PRR23B: variants seen among roughly 807,000 people sequenced by gnomAD.
The protein encoded by PRR23B is proline rich 23B.
For missense variants in PRR23B, 375 were observed against 371.7 expected (o/e 1.01, Z -0.07); for synonymous variants, 157 against 168.0 (o/e 0.93, Z 0.51).
chr3:139,019,581 A>C lies in PRR23B; in HGVS notation c.*283T>G. On this transcript the variant is annotated 3_prime_UTR_variant, in exon 1 of 1. Transcript: ENST00000329447. ...AACAACTGATGCAAAACGAGGGAGAATGAAGGGATCTGAATATGACCTTGT... is the reference window on the plus strand; with the variant it reads ...AACAACTGATGCAAAACGAGGGAGACTGAAGGGATCTGAATATGACCTTGT... 3.3e-6 allele frequency: 1 copy of C among 306,184 alleles called. No homozygotes were observed. Among genetic ancestry groups the C allele is most frequent in the Non-Finnish European group, 6.0e-6 (1 of 166,590 alleles). 19.0% of individuals were successfully genotyped at this position (306,184 alleles called of 1,614,324 possible).
In PRR23B at chr3:139,020,915, C is replaced by T; in HGVS notation, c.-254G>A. On this transcript the variant is annotated 5_prime_UTR_variant, in exon 1 of 1. Transcript: ENST00000329447. ...TTAGCTCGTTGGACCCTTGGGCCTT[C>T]CTGATGCAGACCCGGATGCGCACTG... 1.9e-6 allele frequency: 1 copy of T among 513,284 alleles called. No individual in the cohort carries two copies. The highest frequency in any genetic ancestry group is 3.5e-6 in the Non-Finnish European group (1 of 288,642). The allele number at this position is 513,284 out of a possible 1,614,324, so 31.8% of individuals were successfully genotyped here. A position where few individuals can be genotyped will look rare whatever the true frequency, so the allele number is the denominator to read the frequency against.
At position 139,019,974 on chromosome 3, in the gene PRR23B, G is replaced by C; in HGVS notation, c.688C>G (p.Leu230Val). The C allele has an allele frequency of 6.2e-7, 1 of 1,614,192 alleles. No homozygotes were observed. Among genetic ancestry groups the C allele is most frequent in the Non-Finnish European group, 8.5e-7 (1 of 1,180,020 alleles). Residue 230 changes from leucine to valine, a missense_variant, in exon 1 of 1, where the codon CTC (leucine) becomes GTC (valine). Leu to Val is a conservative substitution (Grantham distance 32). Coordinates refer to ENST00000329447, the MANE Select transcript of PRR23B (RefSeq NM_001013650.2). The stretch of plus-strand genomic sequence containing the variant: ...CACGGAGAGGGAGGTAGAGGTTGGA[G>C]AGGTGAGCTGGGGACAGGCTCCAGA... ...RLLEPVPSSP[L>V]QPLPPSPCVG... is the part of the protein sequence containing the mutation.
In PRR23B at chr3:139,019,233, T is replaced by A. The variant is rs1209683385; in HGVS notation, c.*631A>T. 1.3e-5 allele frequency: 2 copies of A among 152,072 alleles called. No homozygotes were observed. The highest frequency in any genetic ancestry group is 2.9e-5 in the Non-Finnish European group (2 of 67,988). The allele number at this position is 152,072 out of a possible 1,614,324, so 9.4% of individuals were successfully genotyped here. On this transcript the variant is annotated 3_prime_UTR_variant, in exon 1 of 1. Coordinates refer to ENST00000329447, the MANE Select transcript of PRR23B (RefSeq NM_001013650.2). ...ACCAGATTAACAAATTAAAAAAAAA[T>A]ACATAACACAATGCATGCTGAAAAC...
rs776385636 is a variant in PRR23B at position 139,020,511 on chromosome 3, C to T, written c.151G>A (p.Asp51Asn). ...AAPSLEDPAGDPAVDALTSIV... is the reference protein window; with the variant it reads ...AAPSLEDPAGNPAVDALTSIV... ...GAGGTGAGCGCGTCCACGGCCGGGT[C>T]CCCCGCCGGGTCTTCCAGGCTGGGT... Residue 51 changes from aspartate (D) to asparagine (N), a missense_variant, in exon 1 of 1, where the codon GAC becomes AAC. Coordinates refer to ENST00000329447, the MANE Select transcript of PRR23B (RefSeq NM_001013650.2). 1.1e-5 allele frequency: 18 copies of T among 1,572,808 alleles called. No individual in the cohort carries two copies. Among genetic ancestry groups the T allele is most frequent in the Admixed American group, 7.5e-5 (4 of 53,268 alleles).
rs986754207 is a variant in PRR23B, at chr3:139,019,718, C to T, written c.*146G>A. 22 of 714,944 alleles carry T rather than the reference C, an allele frequency of 3.1e-5. No individual in the cohort carries two copies. The highest frequency in any genetic ancestry group is 4.0e-4 in the Middle Eastern group (1 of 2,522). The allele number at this position is 714,944 out of a possible 1,614,324, so 44.3% of individuals were successfully genotyped here. A position where few individuals can be genotyped will look rare whatever the true frequency, so the allele number is the denominator to read the frequency against. On this transcript the variant is annotated 3_prime_UTR_variant, in exon 1 of 1. Transcript: ENST00000329447. ...TGCTGACGTCTTCATCTCCTACTAT[C>T]GGTAGTGTGCAGCGAAAAAGCAATT...
In PRR23B at chr3:139,020,318, T is replaced by C. The variant is rs772712399; in HGVS notation, c.344A>G (p.Gln115Arg). 2.5e-6 allele frequency: 4 copies of C among 1,614,018 alleles called. No homozygotes were observed. In the East Asian group the frequency reaches 6.7e-5, roughly 27 times the overall value. Residue 115 changes from glutamine to arginine, a missense_variant, in exon 1 of 1, where the codon CAG (glutamine) becomes CGG (arginine). Coordinates refer to ENST00000329447, the MANE Select transcript of PRR23B (RefSeq NM_001013650.2). ...TTCCAGCCCGGCAGACGAGTCGTGC[T>C]GCGCTCCTGAGCGTTCGTCGACGGA... ...LSSVDERSGAQHDSSAGLEVD... is the reference protein window; with the variant it reads ...LSSVDERSGARHDSSAGLEVD...
Position 139,020,179 on chromosome 3 carries a change from G to C in PRR23B, c.483C>G (p.Pro161=). Residue 161 remains proline, a synonymous_variant, in exon 1 of 1, where the codon CCC becomes CCG. Coordinates refer to ENST00000329447, the MANE Select transcript of PRR23B (RefSeq NM_001013650.2). ...QEEAYEEDAD[P]EFPELRMDSP... ...AGTCCATCCGGAGCTCCGGGAACTC[G>C]GGGTCCGCGTCCTCCTCGTAGGCCT... 6.2e-7 allele frequency: 1 copy of C among 1,614,072 alleles called. No homozygotes were observed. The highest frequency in any genetic ancestry group is 8.5e-7 in the Non-Finnish European group (1 of 1,179,986).
Position 139,019,620 on chromosome 3 carries a change from A to T in PRR23B, c.*244T>A, listed in dbSNP as rs1007699087. The stretch of plus-strand genomic sequence containing the variant: ...ATATGACCTTGTAAAGAAGCCCAGA[A>T]ATCTGGACACATTTTCTGGTATCCT... On this transcript the variant is annotated 3_prime_UTR_variant, in exon 1 of 1. Coordinates refer to ENST00000329447, the MANE Select transcript of PRR23B (RefSeq NM_001013650.2). 1.2e-5 allele frequency: 5 copies of T among 434,442 alleles called. No homozygotes were observed. Among genetic ancestry groups the T allele is most frequent in the Non-Finnish European group, 2.0e-5 (5 of 248,104 alleles). 26.9% of individuals were successfully genotyped at this position (434,442 alleles called of 1,614,324 possible). A position where few individuals can be genotyped will look rare whatever the true frequency, so the allele number is the denominator to read the frequency against.
At position 139,020,003 on chromosome 3, in the gene PRR23B, C is replaced by T. The variant is rs1309575866; in HGVS notation, c.659G>A (p.Arg220His). The change falls in exon 1 of 1, where the codon CGC (arginine) becomes CAC (histidine). Residue 220 changes from arginine to histidine, a missense_variant. Arg to His is a conservative substitution (Grantham distance 29). Coordinates refer to ENST00000329447, the MANE Select transcript of PRR23B (RefSeq NM_001013650.2). ...SPRPIFDLEF[R>H]LLEPVPSSPL... ...TGAGCTGGGGACAGGCTCCAGAAGG[C>T]GGAATTCCAGGTCAAAGATGGGGCG... 1.4e-5 allele frequency: 23 copies of T among 1,613,796 alleles called. No homozygotes were observed. In the Admixed American group the frequency reaches 1.7e-4, roughly 12 times the overall value.
Position 139,020,055 on chromosome 3 carries a change from TGGG to T in PRR23B, c.604_606del (p.Pro202del). 1.2e-6 allele frequency: 2 copies of T among 1,613,776 alleles called. No homozygotes were observed. The highest frequency in any genetic ancestry group is 2.2e-5 in the South Asian group (2 of 91,050). On this transcript the variant is annotated inframe_deletion, in exon 1 of 1. Coordinates refer to ENST00000329447, the MANE Select transcript of PRR23B (RefSeq NM_001013650.2). ...GGAGAACGTCTCTCTGAACTGGGGT[TGGG>T]GGCCAGAGCACAGGGTTCTGGGATG...
rs1248177301 is a variant in PRR23B at position 139,020,807 on chromosome 3, C to G, written c.-146G>C. ...GGGCGCAGGACCGCGCGACGCGGGG[C>G]GAGTCCTCGGAGCTCCCGGGGCGCC... On this transcript the variant is annotated 5_prime_UTR_variant, in exon 1 of 1. Coordinates refer to ENST00000329447, the MANE Select transcript of PRR23B (RefSeq NM_001013650.2). The G allele has an allele frequency of 9.2e-7, 1 of 1,081,148 alleles. No individual in the cohort carries two copies. The highest frequency in any genetic ancestry group is 1.3e-6 in the Non-Finnish European group (1 of 787,890). The allele number at this position is 1,081,148 out of a possible 1,614,324, so 67.0% of individuals were successfully genotyped here.
chr3:139,020,126 T>A lies in PRR23B; in HGVS notation c.536A>T (p.Tyr179Phe). ...DSPTGSAAGLYPSSRSMFIPY... is the reference protein window; with the variant it reads ...DSPTGSAAGLFPSSRSMFIPY... ...GATGAACATACTTCTAGAGGAGGGGTAGAGCCCAGCGGCTGAGCCGGTTGG... is the reference window on the plus strand; with the variant it reads ...GATGAACATACTTCTAGAGGAGGGGAAGAGCCCAGCGGCTGAGCCGGTTGG... The change falls in exon 1 of 1, where the codon TAC becomes TTC. Residue 179 changes from tyrosine (Y) to phenylalanine (F), a missense_variant. Transcript: ENST00000329447. 1.2e-6 allele frequency: 2 copies of A among 1,613,528 alleles called. No individual in the cohort carries two copies. The highest frequency in any genetic ancestry group is 1.7e-6 in the Non-Finnish European group (2 of 1,179,870).
rs537515525 is a variant in PRR23B at position 139,020,843 on chromosome 3, C to T, written c.-182G>A. 17 of 759,114 alleles carry T rather than the reference C, an allele frequency of 2.2e-5. No homozygotes were observed. Among genetic ancestry groups the T allele is most frequent in the Non-Finnish European group, 3.2e-5 (16 of 497,402 alleles). 47.0% of individuals were successfully genotyped at this position (759,114 alleles called of 1,614,324 possible). The stretch of plus-strand genomic sequence containing the variant: ...AGCTCCCGGGGCGCCTCCTGGGGGA[C>T]CGTAGTCTGGGCTGCTGGTGGTGCC... On this transcript the variant is annotated 5_prime_UTR_variant, in exon 1 of 1. Coordinates refer to ENST00000329447, the MANE Select transcript of PRR23B (RefSeq NM_001013650.2).
rs761613954 is a variant in PRR23B, at chr3:139,020,202, C to T, written c.460G>A (p.Ala154Thr). ...TCGGGGTCCGCGTCCTCCTCGTAGG[C>T]CTCTTCCTGGGCGGCGATCTCTGGG... ...SVPEIAAQEE[A>T]YEEDADPEFP... is the part of the protein sequence containing the mutation. The change falls in exon 1 of 1, where the codon GCC becomes ACC. Residue 154 changes from alanine to threonine, a missense_variant. Ala to Thr is a moderately conservative substitution (Grantham distance 58). Coordinates refer to ENST00000329447, the MANE Select transcript of PRR23B (RefSeq NM_001013650.2). 1 of 1,613,926 alleles carries T rather than the reference C, an allele frequency of 6.2e-7. No homozygotes were observed. The highest frequency in any genetic ancestry group is 1.3e-5 in the African/African-American group (1 of 74,904).
Position 139,020,257 on chromosome 3 carries a change from G to C in PRR23B, c.405C>G (p.Val135=). 3 of 1,614,070 alleles carry C rather than the reference G, an allele frequency of 1.9e-6. No individual in the cohort carries two copies. The highest frequency in any genetic ancestry group is 2.5e-6 in the Non-Finnish European group (3 of 1,180,008). The change falls in exon 1 of 1, where the codon GTC becomes GTG. Residue 135 remains valine, a synonymous_variant. Coordinates refer to ENST00000329447, the MANE Select transcript of PRR23B (RefSeq NM_001013650.2). ...ATGCGCAGAATTCCAGCTCGACGAC[G>C]ACGTCCTCCCTGACAGCGCCCAGGA... ...DVFLGAVRED[V]VVELEFCASV...
chr3:139,019,524 A>C lies in PRR23B; in HGVS notation c.*340T>G. The stretch of plus-strand genomic sequence containing the variant: ...TTTGGGGAGAAACGGGAGTGGCAGT[A>C]TGATGCTGGAGAAAGACTGGAATTT... On this transcript the variant is annotated 3_prime_UTR_variant, in exon 1 of 1. Transcript: ENST00000329447. 1.0e-5 allele frequency: 2 copies of C among 192,250 alleles called. No homozygotes were observed. Among genetic ancestry groups the C allele is most frequent in the Non-Finnish European group, 2.1e-5 (2 of 94,990 alleles). The allele number at this position is 192,250 out of a possible 1,614,324, so 11.9% of individuals were successfully genotyped here. A position where few individuals can be genotyped will look rare whatever the true frequency, so the allele number is the denominator to read the frequency against.
rs1288923649 is a variant in PRR23B at position 139,020,197 on chromosome 3, G to A, written c.465C>T (p.Tyr155=). 22 of 1,613,956 alleles carry A rather than the reference G, an allele frequency of 1.4e-5. No individual in the cohort carries two copies. The highest frequency in any genetic ancestry group is 1.6e-5 in the Non-Finnish European group (19 of 1,180,002). Residue 155 remains tyrosine, a synonymous_variant, in exon 1 of 1, where the codon TAC becomes TAT. Coordinates refer to ENST00000329447, the MANE Select transcript of PRR23B (RefSeq NM_001013650.2). Reference sequence around the variant, plus strand: ...GGAACTCGGGGTCCGCGTCCTCCTCGTAGGCCTCTTCCTGGGCGGCGATCT... The same window carrying A: ...GGAACTCGGGGTCCGCGTCCTCCTCATAGGCCTCTTCCTGGGCGGCGATCT... ...VPEIAAQEEA[Y]EEDADPEFPE...
At position 139,019,873 on chromosome 3, in the gene PRR23B, G is replaced by A; in HGVS notation, c.789C>T (p.Phe263=). The A allele has an allele frequency of 6.3e-7, 1 of 1,594,760 alleles. No homozygotes were observed. Among genetic ancestry groups the A allele is most frequent in the Non-Finnish European group, 8.5e-7 (1 of 1,172,120 alleles). ...ACGTGGGGGTGGGGGTCTATGCCTG[G>A]AACAGGCGTCTCCGGGCCTTGCACG... ...RPPCKARRRL[F]QA The change falls in exon 1 of 1, where the codon TTC becomes TTT. Residue 263 remains phenylalanine (F), a synonymous_variant. Coordinates refer to ENST00000329447, the MANE Select transcript of PRR23B (RefSeq NM_001013650.2).
Position 139,020,167 on chromosome 3 carries a change from C to T in PRR23B, c.495G>A (p.Glu165=). The T allele has an allele frequency of 6.2e-7, 1 of 1,614,072 alleles. No homozygotes were observed. The highest frequency in any genetic ancestry group is 8.5e-7 in the Non-Finnish European group (1 of 1,179,972). The change falls in exon 1 of 1, where the codon GAG becomes GAA. Residue 165 remains glutamate (E), a synonymous_variant. Coordinates refer to ENST00000329447, the MANE Select transcript of PRR23B (RefSeq NM_001013650.2). ...YEEDADPEFP[E]LRMDSPTGSA... ...AGCCGGTTGGGGAGTCCATCCGGAG[C>T]TCCGGGAACTCGGGGTCCGCGTCCT... is the stretch of plus-strand genomic sequence containing the variant.
Sources: allele counts gnomAD v4.1 joint callset, GRCh38; gene constraint gnomAD v4.1.1; transcripts MANE v1.5; gene names NCBI Gene and HGNC (gene_info 2026-07-23, HGNC 2026-07-21).